Variants in SLC46A1 observed in about 807,000 individuals in gnomAD.
SLC46A1 encodes solute carrier family 46 member 1.
SLC46A1 carries 17 observed loss-of-function variants against 32.1 expected under a neutral mutation model. The ratio of observed to expected loss-of-function variants is 0.53; its 90% CI spans 0.36 to 0.79. The LOEUF (loss-of-function observed/expected upper bound fraction) is 0.79. SLC46A1 is among the 30% of genes least tolerant of loss of function. The probability of loss-of-function intolerance (pLI) is 0.00; values close to 1 mark genes in which losing one functional copy is unlikely to be tolerated. For missense variants in SLC46A1, 517 were observed against 588.2 expected, an observed-to-expected ratio of 0.88 and a Z score of 1.25; for synonymous variants, 240 against 262.7, an observed-to-expected ratio of 0.91 and a Z score of 0.84.
chr17:28,401,937 C>A, intron 3 of SLC46A1: 1 of 229,670 alleles, frequency 4.4e-6, no homozygotes, highest in Non-Finnish European at 8.5e-6. Flanking sequence ...ATCACCACAC[C>A]CATCTTACAG....
At position 28,405,920 on chromosome 17, in the gene SLC46A1, G is replaced by GC. The variant is rs80338769; in HGVS notation, c.194dup (p.Cys66LeufsTer99). The GC allele has an allele frequency of 8.1e-6, 13 of 1,607,982 alleles. No individual in the cohort carries two copies. The highest frequency in any genetic ancestry group is 4.5e-5 in the East Asian group (2 of 44,732). ...TGGGGTCCGCGCTGCGGTTGCTGCA[G>GC]CCCCCCCTTTGGCGGGTGCCATTGT... On this transcript the variant is annotated frameshift_variant, in exon 1 of 5. Coordinates refer to ENST00000612814, the MANE Select transcript of SLC46A1 (RefSeq NM_080669.6). LOFTEE classifies it high-confidence loss of function.
At position 28,399,206 on chromosome 17, in the gene SLC46A1, A is replaced by T. The variant is rs1243231377; in HGVS notation, c.*450T>A. 1.2e-5 allele frequency: 2 copies of T among 163,870 alleles called. No individual in the cohort carries two copies. The highest frequency in any genetic ancestry group is 4.8e-5 in the African/African-American group (2 of 41,810). The allele number at this position is 163,870 out of a possible 1,614,324, so 10.2% of individuals were successfully genotyped here. A position where few individuals can be genotyped will look rare whatever the true frequency, so the allele number is the denominator to read the frequency against. ...TTCCCAAGGCTGGCACTAACCAGGTACCACATTCATTGTTAAGGAATGGCT... is the reference window on the plus strand; with the variant it reads ...TTCCCAAGGCTGGCACTAACCAGGTTCCACATTCATTGTTAAGGAATGGCT... On this transcript the variant is annotated 3_prime_UTR_variant, in exon 5 of 5. Coordinates refer to ENST00000612814, the MANE Select transcript of SLC46A1 (RefSeq NM_080669.6).
In SLC46A1 at chr17:28,400,584, AGCATGG is replaced by A; in HGVS notation, c.1322+20_1322+25del. 6.2e-7 allele frequency: 1 copy of A among 1,612,980 alleles called. No individual in the cohort carries two copies. The highest frequency in any genetic ancestry group is 8.5e-7 in the Non-Finnish European group (1 of 1,179,452). Reference sequence around the variant, plus strand: ...TTTTAAGAGAAAGGGCTCCATTATGAGCATGGGTTCAGGGCCCTGCATTACCCAATC... The same window carrying A: ...TTTTAAGAGAAAGGGCTCCATTATGAGTTCAGGGCCCTGCATTACCCAATC... On this transcript the variant is annotated intron_variant, in intron 4 of 4. Coordinates refer to ENST00000612814, the MANE Select transcript of SLC46A1 (RefSeq NM_080669.6).
At position 28,405,878 on chromosome 17, in the gene SLC46A1, C is replaced by T. The variant is rs1407316703; in HGVS notation, c.228+9G>A. On this transcript the variant is annotated intron_variant, in intron 1 of 4. Transcript: ENST00000612814. ...CCTCCACCTGCCAGGCTCCTCGCCGCCCCGCTACCTGCATGGTGGGGTCCG... is the reference window on the plus strand; with the variant it reads ...CCTCCACCTGCCAGGCTCCTCGCCGTCCCGCTACCTGCATGGTGGGGTCCG... 3 of 1,562,128 alleles carry T rather than the reference C, an allele frequency of 1.9e-6. No homozygotes were observed. The highest frequency in any genetic ancestry group is 2.6e-6 in the Non-Finnish European group (3 of 1,154,184).
At position 28,396,322 on chromosome 17, in the gene SLC46A1, A is replaced by G. The variant is rs782689953; in HGVS notation, c.*3334T>C. The G allele has an allele frequency of 1.4e-5, 23 of 1,611,064 alleles. No homozygotes were observed. In the Admixed American group the frequency reaches 3.8e-4, roughly 27 times the overall value. Reference sequence around the variant, plus strand: ...GTTCCCCAGCCCTGCTGTGACTTCCATTTCCATCGTCCTTTCTGAAGGAAC... The same window carrying G: ...GTTCCCCAGCCCTGCTGTGACTTCCGTTTCCATCGTCCTTTCTGAAGGAAC... On this transcript the variant is annotated 3_prime_UTR_variant, in exon 5 of 5. Coordinates refer to ENST00000612814, the MANE Select transcript of SLC46A1 (RefSeq NM_080669.6).
At position 28,395,315 on chromosome 17, in the gene SLC46A1, GATAC is replaced by G; in HGVS notation, c.*4337_*4340del. ...AGCTCAAGAATAGCCAAATGGAAGAGATACATAGGATCTCTACGTATGGAGGGTG... is the reference window on the plus strand; with the variant it reads ...AGCTCAAGAATAGCCAAATGGAAGAGATAGGATCTCTACGTATGGAGGGTG... On this transcript the variant is annotated 3_prime_UTR_variant, in exon 5 of 5. Coordinates refer to ENST00000612814, the MANE Select transcript of SLC46A1 (RefSeq NM_080669.6). 3 of 152,674 alleles carry G rather than the reference GATAC, an allele frequency of 2.0e-5. No individual in the cohort carries two copies. In the Middle Eastern group the frequency reaches 0.01, roughly 519 times the overall value. 9.5% of individuals were successfully genotyped at this position (152,674 alleles called of 1,614,324 possible).
chr17:28,404,381 A>T, intron 2 of SLC46A1: 1 of 583,818 alleles, frequency 1.7e-6, no homozygotes, highest in Non-Finnish European at 3.0e-6. Flanking sequence ...TAACAATATT[A>T]ATGGTTGATA....
chr17:28,395,715 C>A lies in SLC46A1; in HGVS notation c.*3941G>T. 1.7e-6 allele frequency: 1 copy of A among 602,420 alleles called. No homozygotes were observed. Among genetic ancestry groups the A allele is most frequent in the Non-Finnish European group, 2.9e-6 (1 of 345,782 alleles). 37.3% of individuals were successfully genotyped at this position (602,420 alleles called of 1,614,324 possible). Reference sequence around the variant, plus strand: ...GGTTTTAGCAGCTCTGTGCCAGGAACTCTGGGCAAAGGAAAAATATTTATT... The same window carrying A: ...GGTTTTAGCAGCTCTGTGCCAGGAAATCTGGGCAAAGGAAAAATATTTATT... On this transcript the variant is annotated 3_prime_UTR_variant, in exon 5 of 5. Transcript: ENST00000612814.
Position 28,405,477 on chromosome 17 carries a change from G to A in SLC46A1, c.229-9C>T. 3 of 1,595,732 alleles carry A rather than the reference G, an allele frequency of 1.9e-6. No individual in the cohort carries two copies. The highest frequency in any genetic ancestry group is 1.7e-6 in the Non-Finnish European group (2 of 1,172,820). ...GTAAGGGTCTCCACTTCCTGTAGGG[G>A]CACAATGACCAGGGTGCGGTTCCTC... On this transcript the variant is annotated splice_polypyrimidine_tract_variant and intron_variant, in intron 1 of 4. Coordinates refer to ENST00000612814, the MANE Select transcript of SLC46A1 (RefSeq NM_080669.6).
rs782774927 is a variant in SLC46A1, at chr17:28,395,995, A to G, written c.*3661T>C. ...TGAGCCCCAGGTCCTGCCTGAGGAC[A>G]TGCAGGCTGTGCTTACTTTCAACGG... On this transcript the variant is annotated 3_prime_UTR_variant, in exon 5 of 5. Coordinates refer to ENST00000612814, the MANE Select transcript of SLC46A1 (RefSeq NM_080669.6). 1.4e-5 allele frequency: 23 copies of G among 1,613,954 alleles called. No individual in the cohort carries two copies. The highest frequency in any genetic ancestry group is 1.8e-5 in the Non-Finnish European group (21 of 1,179,858).
chr17:28,396,096 C>T lies in SLC46A1; in HGVS notation c.*3560G>A. The T allele has an allele frequency of 1.2e-6, 2 of 1,613,646 alleles. No individual in the cohort carries two copies. The highest frequency in any genetic ancestry group is 1.7e-6 in the Non-Finnish European group (2 of 1,179,690). On this transcript the variant is annotated 3_prime_UTR_variant, in exon 5 of 5. Coordinates refer to ENST00000612814, the MANE Select transcript of SLC46A1 (RefSeq NM_080669.6). Reference sequence around the variant, plus strand: ...CCATGACAGGCAGAGTGTGGGCAAACAGCTGACTAGCAGCTCCCTCTGCCC... The same window carrying T: ...CCATGACAGGCAGAGTGTGGGCAAATAGCTGACTAGCAGCTCCCTCTGCCC...
intron 1 of SLC46A1, 162 bp from the exon 2 acceptor site, chr17:28,405,630 G>A: frequency 1.8e-6 from 2 of 1,136,178 alleles, no homozygotes; most frequent in South Asian, 3.0e-5. Flanking sequence ...AGAGGGGGAA[G>A]GACATGGACC....
chr17:28,405,897 G>T lies in SLC46A1; in HGVS notation c.218C>A (p.Pro73His). Residue 73 changes from proline (P) to histidine (H), a missense_variant, in exon 1 of 5, where the codon CCC becomes CAC. Physicochemically the swap from Pro to His is moderately conservative, Grantham distance 77 (BLOSUM62 -2). Coordinates refer to ENST00000612814, the MANE Select transcript of SLC46A1 (RefSeq NM_080669.6). ...TCGCCGCCCCGCTACCTGCATGGTG[G>T]GGTCCGCGCTGCGGTTGCTGCAGCC... ...RGGCSNRSAD[P>H]TMQEVETLTS... 1 of 1,593,556 alleles carries T rather than the reference G, an allele frequency of 6.3e-7. No homozygotes were observed. The highest frequency in any genetic ancestry group is 2.3e-5 in the East Asian group (1 of 43,970).
Position 28,395,646 on chromosome 17 carries a change from T to A in SLC46A1, c.*4010A>T. The A allele has an allele frequency of 2.4e-6, 1 of 413,418 alleles. No individual in the cohort carries two copies. The allele number at this position is 413,418 out of a possible 1,614,324, so 25.6% of individuals were successfully genotyped here. On this transcript the variant is annotated 3_prime_UTR_variant, in exon 5 of 5. Coordinates refer to ENST00000612814, the MANE Select transcript of SLC46A1 (RefSeq NM_080669.6). ...CCCCCGGGCCCCCAGTGGGGAATCA[T>A]CTCTTTAGCATACAAAGACACTCAT...
rs782685073 is a variant in SLC46A1 at position 28,405,068 on chromosome 17, T to C, written c.629A>G (p.Asn210Ser). The C allele has an allele frequency of 1.2e-6, 2 of 1,613,656 alleles. No individual in the cohort carries two copies. ...CAAGGCCAAGGCCAGCCAGAAGGGGTTGGCATAACCCTGGGCCCGGAGCCA... is the reference window on the plus strand; with the variant it reads ...CAAGGCCAAGGCCAGCCAGAAGGGGCTGGCATAACCCTGGGCCCGGAGCCA... ...GHWLRAQGYA[N>S]PFWLALALLI... is the part of the protein sequence containing the mutation. Residue 210 changes from asparagine to serine, a missense_variant, in exon 2 of 5, where the codon AAC becomes AGC. By Grantham distance (46) the Asn-to-Ser change is conservative. Coordinates refer to ENST00000612814, the MANE Select transcript of SLC46A1 (RefSeq NM_080669.6).
upstream of SLC46A1, chr17:28,406,475 T>G: frequency 4.3e-6 from 1 of 234,574 alleles, no homozygotes; most frequent in Non-Finnish European, 8.2e-6. This position sits in a 1 kb window ranked among gnomAD's most constrained non-coding sequence, Gnocchi z 4.5. Context: ...GGGCACGGTA[T>G]TAAACCCTTT....
In SLC46A1 at chr17:28,395,912, T is replaced by C. The variant is rs2068115880; in HGVS notation, c.*3744A>G. 1 of 1,613,842 alleles carries C rather than the reference T, an allele frequency of 6.2e-7. No individual in the cohort carries two copies. Among genetic ancestry groups the C allele is most frequent in the Non-Finnish European group, 8.5e-7 (1 of 1,179,862 alleles). ...TTTCCTTTCTTTCTCCAGGAGATTG[T>C]GACTGCTTTAAGCTGCGGCAAGAAC... On this transcript the variant is annotated 3_prime_UTR_variant, in exon 5 of 5. Coordinates refer to ENST00000612814, the MANE Select transcript of SLC46A1 (RefSeq NM_080669.6).
Position 28,405,091 on chromosome 17 carries a change from C to A in SLC46A1, c.606G>T (p.Trp202Cys). The change falls in exon 2 of 5, where the codon TGG becomes TGT. Residue 202 changes from tryptophan (W) to cysteine (C), a missense_variant. Transcript: ENST00000612814. ...GMLASLLGGH[W>C]LRAQGYANPF... ...GGTTGGCATAACCCTGGGCCCGGAG[C>A]CAGTGGCCCCCGAGGAGGCTTGCCA... The A allele has an allele frequency of 6.2e-7, 1 of 1,613,908 alleles. No homozygotes were observed. Among genetic ancestry groups the A allele is most frequent in the Non-Finnish European group, 8.5e-7 (1 of 1,179,874 alleles).
chr17:28,400,690 G>T lies in SLC46A1; in HGVS notation c.1242C>A (p.Tyr414Ter). Reference protein sequence around the residue: ...LTASGIFNSLYPATLNFMKGF... With the variant: ...LTASGIFNSL ...CCTTCATAAAGTTCAGAGTGGCTGG[G>T]TAGAGTGAGTTGAAGATGCCGGAGG... is the stretch of plus-strand genomic sequence containing the variant. The change falls in exon 4 of 5, where the codon TAC (tyrosine) becomes TAA (stop). Residue 414 changes from tyrosine (Y) to a stop codon, truncating the protein, a stop_gained. Transcript: ENST00000612814. LOFTEE classifies it high-confidence loss of function. 1 of 1,612,318 alleles carries T rather than the reference G, an allele frequency of 6.2e-7. No homozygotes were observed. Among genetic ancestry groups the T allele is most frequent in the Non-Finnish European group, 8.5e-7 (1 of 1,179,376 alleles).
Sources: gnomAD v4.1 joint callset for allele counts on GRCh38, gnomAD v4.1.1 for gene constraint, Gnocchi (gnomAD v3.1) non-coding constraint, MANE v1.5 for transcripts, NCBI Gene and HGNC (gene_info 2026-07-23, HGNC 2026-07-21) for gene names.